The following ABCA10 variants were observed in gnomAD, a reference collection of about 807,000 sequenced individuals.
ABCA10 encodes the protein ATP-binding cassette sub-family A member 10.
ABCA10 carries 169 observed loss-of-function variants against 187.5 expected under a neutral mutation model. The ratio of observed to expected loss-of-function variants is 0.90; its 90% CI spans 0.80 to 1.02. The LOEUF (loss-of-function observed/expected upper bound fraction) is 1.02. Among genes scored for constraint, ABCA10 ranks in the 50% least tolerant of loss-of-function variants. The pLI is 0.00. For missense variants in ABCA10, 1,727 were observed against 1,812.4 expected, an observed-to-expected ratio of 0.95 and a Z score of 0.86; for synonymous variants, 574 against 601.8, an observed-to-expected ratio of 0.95 and a Z score of 0.68.
At chr17:69,185,359 T>C (rs936126355) in intron 20 of ABCA10, 118 bp downstream of exon 20, 4 of 1,020,854 alleles carry the variant, frequency 3.9e-6, no homozygotes, top group African/African-American at 3.3e-5. Flanking sequence ...TTTCCTTCAT[T>C]TGAAAATGGA....
At chr17:69,186,534 GCT>G (rs2074422776) in intron 19 of ABCA10, among the ~76,000 whole-genome samples, 1 of 152,118 alleles carries the variant, frequency 6.6e-6, no homozygotes, top group Non-Finnish European at 1.5e-5. Flanking sequence ...TTTAGCTTCT[GCT>G]CTTTCTACTC....
intron 1 of ABCA10, among the ~76,000 whole-genome samples, chr17:69,227,898 CT>C (rs2074806372): frequency 4.0e-5 from 6 of 151,864 alleles, no homozygotes; most frequent in Admixed American, 3.9e-4. Context: ...AAAATATTGG[CT>C]AATATGACTA....
intron 23 of ABCA10, 95 bp downstream of exon 23, chr17:69,175,311 C>G: frequency 9.6e-7 from 1 of 1,042,790 alleles, no homozygotes; most frequent in Non-Finnish European, 1.4e-6. Context: ...AAACATTAAC[C>G]AAAGTACAAC....
rs150909565 is a variant in ABCA10, at chr17:69,214,002, A to G, written c.1006+702T>C. On this transcript the variant is annotated intron_variant, in intron 9 of 38. Coordinates refer to ENST00000690296, the MANE Select transcript of ABCA10 (RefSeq NM_001377321.1). The stretch of plus-strand genomic sequence containing the variant: ...CATATTTTTGAGATTCGGAAGAACA[A>G]CTATACTTGAGCCAAATATTAACAA... Among the ~76,000 whole-genome samples the G allele has an allele frequency of 2.9e-3, 446 of 152,328 alleles. 7 individuals are homozygous for G. Among genetic ancestry groups the G allele is most frequent in the African/African-American group, 0.01 (419 of 41,574 alleles).
At chr17:69,222,420 G>T in intron 4 of ABCA10, 113 bp downstream of exon 4, 1 of 905,674 alleles carries the variant, frequency 1.1e-6, no homozygotes, top group African/African-American at 1.8e-5. Flanking sequence ...AAGTTCAGAG[G>T]GAAATGTATA....
chr17:69,176,362 A>T (rs986093380), intron 22 of ABCA10, among the ~76,000 whole-genome samples: 1 of 152,028 alleles, frequency 6.6e-6, no homozygotes, highest in African/African-American at 2.4e-5. Flanking sequence ...CAAGGCATTG[A>T]GGGGTCTTTA....
chr17:69,175,636 G>C, intron 22 of ABCA10, 123 bp from the exon 23 acceptor site: 1 of 713,168 alleles, frequency 1.4e-6, no homozygotes, highest in Non-Finnish European at 2.2e-6. Context: ...AAGAAGCAAA[G>C]AGACAAGCAA....
intron 5 of ABCA10, among the ~76,000 whole-genome samples, chr17:69,220,775 C>G (rs1013635588): frequency 1.3e-5 from 2 of 152,150 alleles, no homozygotes; most frequent in Non-Finnish European, 2.9e-5. Context: ...ACTTTAGTTC[C>G]CAGACCAAAT....
At chr17:69,182,078 A>G (rs946876869) in intron 22 of ABCA10, 75 bp downstream of exon 22, 82 of 1,318,640 alleles carry the variant, frequency 6.2e-5, no homozygotes, top group Non-Finnish European at 6.8e-5. Context: ...TTGAACTCAC[A>G]TGGTAGGCTC....
chr17:69,204,771 T>TTA (rs1262742729), intron 9 of ABCA10, among the ~76,000 whole-genome samples: 2 of 152,306 alleles, frequency 1.3e-5, no homozygotes, highest in East Asian at 3.9e-4. Flanking sequence ...AGTAAAAGAA[T>TTA]TATAAGTGTA....
chr17:69,217,849 T>C (rs1352681956), intron 6 of ABCA10, among the ~76,000 whole-genome samples: 1 of 152,186 alleles, frequency 6.6e-6, no homozygotes, highest in Non-Finnish European at 1.5e-5. Context: ...TATATCATTT[T>C]ATTATTTAAA....
chr17:69,175,388 CCTCT>C lies in ABCA10; in HGVS notation c.2877+14_2877+17del. The C allele has an allele frequency of 6.3e-7, 1 of 1,582,312 alleles. No individual in the cohort carries two copies. Among genetic ancestry groups the C allele is most frequent in the Non-Finnish European group, 8.6e-7 (1 of 1,160,838 alleles). On this transcript the variant is annotated intron_variant, in intron 23 of 38. Transcript: ENST00000690296. ...AATAAAATCAATCTCAATCTAATTT[CCTCT>C]CTCTCCCTCTTACTTTATAATCGCT...
intron 1 of ABCA10, among the ~76,000 whole-genome samples, chr17:69,240,640 A>G (rs2074898240): frequency 6.6e-6 from 1 of 152,194 alleles, no homozygotes; most frequent in Non-Finnish European, 1.5e-5. Flanking sequence ...TGACTGTGAT[A>G]TTAACTTGTT....
chr17:69,208,417 C>CAAAAAAAAAAA (rs67858017), intron 9 of ABCA10, among the ~76,000 whole-genome samples: 3 of 89,404 alleles, frequency 3.4e-5, no homozygotes, highest in African/African-American at 1.4e-4. Flanking sequence ...GACTCTGTCT[C>CAAAAAAAAAAA]AAAAAAAAAA....
At chr17:69,166,654 C>T (rs2074256836) in intron 25 of ABCA10, among the ~76,000 whole-genome samples, 1 of 152,136 alleles carries the variant, frequency 6.6e-6, no homozygotes, top group South Asian at 2.1e-4. Context: ...ATGTAATGCC[C>T]TCAAAGGATG....
upstream of ABCA10, among the ~76,000 whole-genome samples, chr17:69,229,876 A>C (rs2074818906): frequency 6.6e-6 from 1 of 152,084 alleles, no homozygotes; most frequent in South Asian, 2.1e-4. Context: ...AAAACAATTA[A>C]AATCATACTA....
At chr17:69,153,666 T>C (rs2074148756) in intron 32 of ABCA10, 120 bp from the exon 33 acceptor site, 1 of 1,452,674 alleles carries the variant, frequency 6.9e-7, no homozygotes, top group African/African-American at 1.4e-5. Flanking sequence ...CTTAACGTTT[T>C]CATAAATGCT....
rs2233766 is a variant in ABCA10, at chr17:69,148,164, G to A, written c.*663C>T. ...GGGAAATGTTCATGAACTGTGAGGTGAAAAGATACAGAAAATGACTATGCC... is the reference window on the plus strand; with the variant it reads ...GGGAAATGTTCATGAACTGTGAGGTAAAAAGATACAGAAAATGACTATGCC... On this transcript the variant is annotated 3_prime_UTR_variant, in exon 39 of 39. Coordinates refer to ENST00000690296, the MANE Select transcript of ABCA10 (RefSeq NM_001377321.1). The A allele has an allele frequency of 2.4e-4, 37 of 152,274 alleles. No individual in the cohort carries two copies. The highest frequency in any genetic ancestry group is 8.4e-4 in the African/African-American group (35 of 41,552). The allele number at this position is 152,274 out of a possible 1,614,324, so 9.4% of individuals were successfully genotyped here. A position where few individuals can be genotyped will look rare whatever the true frequency, so the allele number is the denominator to read the frequency against.
At chr17:69,211,799 CT>C (rs2144833591) in intron 9 of ABCA10, among the ~76,000 whole-genome samples, 1 of 152,122 alleles carries the variant, frequency 6.6e-6, no homozygotes, top group African/African-American at 2.4e-5. Flanking sequence ...CCTGAATGAT[CT>C]TTTGTACTTC....
Sources: allele counts gnomAD v4.1 joint callset (sites outside exome capture counted in the v4.1 genomes callset), GRCh38; gene constraint gnomAD v4.1.1; transcripts MANE v1.5; gene names NCBI Gene and HGNC (gene_info 2026-07-23, HGNC 2026-07-21).